The following UBN2 variants were observed in gnomAD, a reference collection of about 807,000 sequenced individuals.
The protein encoded by UBN2 is ubinuclein-2.
A neutral mutation model predicts 120.2 loss-of-function variants in UBN2; 35 were observed. The ratio of observed to expected loss-of-function variants is 0.29; its 90% CI spans 0.22 to 0.39. The LOEUF is 0.39. UBN2 is among the 10% of genes least tolerant of loss of function. The pLI, the probability that UBN2 is intolerant of heterozygous loss-of-function variation, is 1.00. For synonymous variants in UBN2, 661 were observed against 648.7 expected (o/e 1.02, Z -0.29); for missense variants, 1,693 against 1,663.2 (o/e 1.02, Z -0.31).
Position 139,289,414 on chromosome 7 carries a change from C to CTTTTTTTTTTTTTTTTTTTT in UBN2, c.3670-3802_3670-3801insTTTTTTTTTTTTTTTTTTTT, listed in dbSNP as rs1161484759. On this transcript the variant is annotated intron_variant, in intron 15 of 17. Transcript: ENST00000473989. ...ATTGCCCTCCCTAATTTACATTTTGCTTTTTTTTTTTTTTTTGAGACAGGG... is the reference window on the plus strand; with the variant it reads ...ATTGCCCTCCCTAATTTACATTTTGCTTTTTTTTTTTTTTTTTTTTTTTTTTTTTTTTTTTTGAGACAGGG... 2.0e-3 allele frequency among the ~76,000 whole-genome samples: 249 copies of CTTTTTTTTTTTTTTTTTTTT among 125,728 alleles called. 15 individuals carry two copies. Among genetic ancestry groups the CTTTTTTTTTTTTTTTTTTTT allele is most frequent in the African/African-American group, 6.1e-3 (197 of 32,146 alleles). 82.5% of individuals were successfully genotyped at this position (125,728 alleles called of 152,430 possible). A position where few individuals can be genotyped will look rare whatever the true frequency, so the allele number is the denominator to read the frequency against.
rs1195891310 is a variant in UBN2 at position 139,244,706 on chromosome 7, A to G, written c.562-7250A>G. On this transcript the variant is annotated intron_variant, in intron 2 of 17. Transcript: ENST00000473989. ...TACATATCTATAGATATATATTGCTATGTTTTGTTTTTCATAGATGAGAAT... is the reference window on the plus strand; with the variant it reads ...TACATATCTATAGATATATATTGCTGTGTTTTGTTTTTCATAGATGAGAAT... Among the ~76,000 whole-genome samples the G allele has an allele frequency of 2.0e-5, 3 of 151,840 alleles. No individual in the cohort carries two copies. The East Asian group carries it at 5.8e-4, about 29-fold the overall frequency.
At chr7:139,326,206 A>G in the UBN2 span, among the ~76,000 whole-genome samples, 1 of 152,202 alleles carries the variant, frequency 6.6e-6, no homozygotes, top group African/African-American at 2.4e-5. Flanking sequence ...CAGTGAGCCA[A>G]GATTGTGCCC....
intron 3 of UBN2, among the ~76,000 whole-genome samples, chr7:139,253,140 A>T (rs1358821889): frequency 6.6e-6 from 1 of 152,128 alleles, no homozygotes; most frequent in African/African-American, 2.4e-5. Flanking sequence ...CTGCTAGTGA[A>T]TATACCTAAA....
chr7:139,273,736 C>T (rs185811000), intron 10 of UBN2, among the ~76,000 whole-genome samples, 195 bp from the exon 11 acceptor site: 14 of 152,246 alleles, frequency 9.2e-5, no homozygotes, highest in African/African-American at 3.1e-4. Context: ...GAGAACCATC[C>T]CTTTCAATCT....
chr7:139,231,480 T>C lies in UBN2; in HGVS notation c.-5T>C. ...GAGCAAAAGCGGAGGGCCAGAACAG[T>C]GGGGATGGCGGAGCCGCGCAGAGTA... On this transcript the variant is annotated 5_prime_UTR_variant, in exon 1 of 18. Coordinates refer to ENST00000473989, the MANE Select transcript of UBN2 (RefSeq NM_173569.4). The C allele has an allele frequency of 2.2e-6, 3 of 1,364,716 alleles. No homozygotes were observed. The highest frequency in any genetic ancestry group is 2.9e-6 in the Non-Finnish European group (3 of 1,051,692). 84.5% of individuals were successfully genotyped at this position (1,364,716 alleles called of 1,614,324 possible).
At chr7:139,259,412 C>CT in intron 5 of UBN2, 42 bp downstream of exon 5, 1 of 1,604,992 alleles carries the variant, frequency 6.2e-7, no homozygotes, top group Non-Finnish European at 8.5e-7. Flanking sequence ...GCGTCACAGT[C>CT]TGACTGTCTC....
intron 7 of UBN2, among the ~76,000 whole-genome samples, chr7:139,267,763 C>G (rs566190174): frequency 6.6e-6 from 1 of 152,158 alleles, no homozygotes; most frequent in Non-Finnish European, 1.5e-5. Flanking sequence ...ATAACTTAGT[C>G]TGCCGCTAGT....
rs1797710673 is a variant in UBN2, at chr7:139,284,253, A to C, written c.3348A>C (p.Gly1116=). 1 of 1,614,064 alleles carries C rather than the reference A, an allele frequency of 6.2e-7. No homozygotes were observed. The highest frequency in any genetic ancestry group is 1.7e-5 in the Admixed American group (1 of 60,000). ...TNSPVHKQPS[G]MNISRQSPTL... ...GCCCAGTCCATAAACAGCCCAGTGG[A>C]ATGAACATCAGCAGACAGTCTCCCA... Residue 1116 remains glycine, a synonymous_variant, in exon 15 of 18, where the codon GGA becomes GGC. Coordinates refer to ENST00000473989, the MANE Select transcript of UBN2 (RefSeq NM_173569.4).
intron 2 of UBN2, among the ~76,000 whole-genome samples, chr7:139,240,558 C>T (rs1796293986): frequency 6.6e-6 from 1 of 151,402 alleles, no homozygotes; most frequent in Non-Finnish European, 1.5e-5. Flanking sequence ...ATGCCTAGAG[C>T]TCTAGGCTAT....
chr7:139,249,759 G>A (rs1796570223), intron 2 of UBN2, among the ~76,000 whole-genome samples: 1 of 152,098 alleles, frequency 6.6e-6, no homozygotes, highest in South Asian at 2.1e-4. Flanking sequence ...AGGTTGGAGT[G>A]CAGTGGCATG....
rs370712687 is a variant in UBN2, at chr7:139,282,862, G to C, written c.2119-162G>C. Among the ~76,000 whole-genome samples, 17 of 152,134 alleles carry C rather than the reference G, an allele frequency of 1.1e-4. No individual in the cohort carries two copies. In the East Asian group the frequency reaches 2.7e-3, roughly 24 times the overall value. On this transcript the variant is annotated intron_variant, in intron 14 of 17. Transcript: ENST00000473989. ...TGTCTTGTGAGGACAGCTCAGTCAG[G>C]AGCTCTGTCATCTCAAAAATTATTT... is the stretch of plus-strand genomic sequence containing the variant.
chr7:139,287,778 A>G (rs1170988014), intron 15 of UBN2, among the ~76,000 whole-genome samples: 1 of 150,694 alleles, frequency 6.6e-6, no homozygotes, highest in Non-Finnish European at 1.5e-5. Context: ...GTTTTAACAT[A>G]GCGTCTCAAT....
chr7:139,259,276 A>G lies in UBN2; in HGVS notation c.811A>G (p.Ile271Val). The change falls in exon 5 of 18, where the codon ATA becomes GTA. Residue 271 changes from isoleucine (I) to valine (V), a missense_variant. Ile to Val is a conservative substitution (Grantham distance 29, BLOSUM62 3). Transcript: ENST00000473989. ...QKHKPPKVPK[I>V]KEDDIEMKKR... ...TTTTATCATTTTGCAGGTCCCCAAA[A>G]TAAAAGAAGATGATATTGAGATGAA... The G allele has an allele frequency of 1.9e-6, 3 of 1,613,094 alleles. No individual in the cohort carries two copies. The highest frequency in any genetic ancestry group is 2.5e-6 in the Non-Finnish European group (3 of 1,179,722).
At chr7:139,261,200 C>CT in intron 5 of UBN2, 52 bp from the exon 6 acceptor site, 3 of 1,526,600 alleles carry the variant, frequency 2.0e-6, no homozygotes, top group Non-Finnish European at 2.6e-6. Flanking sequence ...TTATGTGACA[C>CT]TTTAACGTTT....
In UBN2 at chr7:139,279,042, T is replaced by TG. The variant is rs1044548486; in HGVS notation, c.2025-269dup. Among the ~76,000 whole-genome samples, 16 of 152,114 alleles carry TG rather than the reference T, an allele frequency of 1.1e-4. No homozygotes were observed. The East Asian group carries it at 2.1e-3, about 20-fold the overall frequency. On this transcript the variant is annotated intron_variant, in intron 12 of 17. Coordinates refer to ENST00000473989, the MANE Select transcript of UBN2 (RefSeq NM_173569.4). Reference sequence around the variant, plus strand: ...CTGCGGTTCCTTGAAGCTCTTTTTTTGGGGGGGCTATTTTATGGTTTATTT... The same window carrying TG: ...CTGCGGTTCCTTGAAGCTCTTTTTTTGGGGGGGGCTATTTTATGGTTTATTT...
intron 14 of UBN2, among the ~76,000 whole-genome samples, chr7:139,282,765 T>C (rs1164245578): frequency 1.3e-5 from 2 of 152,142 alleles, no homozygotes; most frequent in African/African-American, 4.8e-5. Flanking sequence ...TCATCAGTAA[T>C]GTAACTAGTA....
At chr7:139,271,652 A>T (rs1372382959) in intron 8 of UBN2, among the ~76,000 whole-genome samples, 3 of 152,204 alleles carry the variant, frequency 2.0e-5, no homozygotes, top group Non-Finnish European at 4.4e-5. Flanking sequence ...TGATGGTGAT[A>T]AAAGTATGTT....
chr7:139,254,136 AC>A (rs766766456), intron 3 of UBN2, among the ~76,000 whole-genome samples: 1 of 152,118 alleles, frequency 6.6e-6, no homozygotes, highest in Non-Finnish European at 1.5e-5. Flanking sequence ...TACTAAAAAT[AC>A]AAAAAATTAG....
At chr7:139,286,123 T>C (rs1163789428) in intron 15 of UBN2, among the ~76,000 whole-genome samples, 1 of 152,184 alleles carries the variant, frequency 6.6e-6, no homozygotes, top group African/African-American at 2.4e-5. Flanking sequence ...AGACAGTGTA[T>C]TGCCATGTTG....
Sources: allele counts gnomAD v4.1 joint callset (sites outside exome capture counted in the v4.1 genomes callset), GRCh38; gene constraint gnomAD v4.1.1; transcripts MANE v1.5; gene names NCBI Gene and HGNC (gene_info 2026-07-23, HGNC 2026-07-21).